ATP2B2: variants seen among roughly 807,000 people sequenced by gnomAD.
ATP2B2 encodes the protein ATPase plasma membrane Ca2+ transporting 2, also known as plasma membrane calcium-transporting ATPase 2.
ATP2B2 carries 15 observed loss-of-function variants against 120.0 expected under a neutral mutation model. The ratio of observed to expected loss-of-function variants is 0.12; its 90% CI spans 0.08 to 0.19. The LOEUF is 0.19. ATP2B2 is among the 10% of genes least tolerant of loss of function. The pLI is 1.00. For missense variants in ATP2B2, 1,045 were observed against 1,719.8 expected (o/e 0.61, Z 6.94); for synonymous variants, 694 against 700.3 (o/e 0.99, Z 0.14).
chr3:10,382,988 C>T (rs1024736117), intron 8 of ATP2B2, among the ~76,000 whole-genome samples: 4 of 151,878 alleles, frequency 2.6e-5, no homozygotes, highest in African/African-American at 9.7e-5. Context: ...GTCTGGAAAG[C>T]CTGTTAAAAT....
At chr3:10,540,187 T>C (rs532012311) in intron 2 of ATP2B2, among the ~76,000 whole-genome samples, 10 of 152,268 alleles carry the variant, frequency 6.6e-5, no homozygotes, top group African/African-American at 2.4e-4. Flanking sequence ...TCACACCAGT[T>C]AGAATGGTGA....
intron 2 of ATP2B2, among the ~76,000 whole-genome samples, chr3:10,610,789 C>T (rs1032602187): frequency 1.3e-5 from 2 of 152,180 alleles, no homozygotes; most frequent in African/African-American, 4.8e-5. Flanking sequence ...TCAACACATG[C>T]TGGAGGGAAC....
chr3:10,668,879 G>A (rs1009945503), intron 1 of ATP2B2, among the ~76,000 whole-genome samples: 13 of 152,208 alleles, frequency 8.5e-5, no homozygotes, highest in Non-Finnish European at 1.8e-4. Flanking sequence ...GCAGCACACA[G>A]TAGGCGCTCA....
intron 3 of ATP2B2, among the ~76,000 whole-genome samples, chr3:10,519,994 C>T (rs2066950833): frequency 6.6e-6 from 1 of 152,174 alleles, no homozygotes; most frequent in Non-Finnish European, 1.5e-5. Flanking sequence ...TACCCTTTAC[C>T]ATATACATTT....
At chr3:10,625,889 T>C (rs914056229) in intron 1 of ATP2B2, 2 of 152,254 alleles carry the variant, frequency 1.3e-5, no homozygotes, top group Non-Finnish European at 2.9e-5. Flanking sequence ...ACTGGTAGGA[T>C]GCAGTATCCA....
intron 1 of ATP2B2, among the ~76,000 whole-genome samples, chr3:10,696,125 C>T (rs2071738719): frequency 2.0e-5 from 3 of 152,126 alleles, no homozygotes; most frequent in South Asian, 2.1e-4. Flanking sequence ...CTATGAAACA[C>T]GGTGTTTGCA....
intron 1 of ATP2B2, among the ~76,000 whole-genome samples, chr3:10,662,149 A>C (rs2070799454): frequency 6.6e-6 from 1 of 152,192 alleles, no homozygotes; most frequent in Admixed American, 6.5e-5. Context: ...TAAAAACCCT[A>C]GAAGAAAACC....
chr3:10,607,889 A>G (rs2069128537), intron 2 of ATP2B2, among the ~76,000 whole-genome samples: 1 of 152,142 alleles, frequency 6.6e-6, no homozygotes, highest in African/African-American at 2.4e-5. Context: ...GGGTGATACT[A>G]TATCGAAGTC....
intron 4 of ATP2B2, among the ~76,000 whole-genome samples, chr3:10,401,743 A>G (rs1268501994): frequency 6.6e-6 from 1 of 152,222 alleles, no homozygotes; most frequent in Non-Finnish European, 1.5e-5. Context: ...TAATAAACCC[A>G]TTCTGAGTAT....
intron 2 of ATP2B2, among the ~76,000 whole-genome samples, chr3:10,609,016 C>T (rs1176216073): frequency 6.6e-6 from 1 of 152,234 alleles, no homozygotes; most frequent in South Asian, 2.1e-4. Flanking sequence ...CCCGGAATTC[C>T]GGGCCACCTT....
intron 1 of ATP2B2, among the ~76,000 whole-genome samples, chr3:10,673,481 A>T (rs2071165247): frequency 6.6e-6 from 1 of 151,796 alleles, no homozygotes; most frequent in Non-Finnish European, 1.5e-5. Context: ...ACAGAGAGAC[A>T]GGAAGAGAGA....
chr3:10,707,652 C>A (rs984005958), intron 1 of ATP2B2, among the ~76,000 whole-genome samples: 1 of 152,158 alleles, frequency 6.6e-6, no homozygotes, highest in Admixed American at 6.5e-5. Flanking sequence ...CCCCTTCCCT[C>A]ACCCGCAGGC....
intron 3 of ATP2B2, among the ~76,000 whole-genome samples, chr3:10,526,891 G>C (rs2067107531): frequency 6.6e-6 from 1 of 152,154 alleles, no homozygotes; most frequent in Non-Finnish European, 1.5e-5. Flanking sequence ...GGTGACACTA[G>C]CTCCCAATTT....
chr3:10,527,466 T>C (rs1424151865), intron 3 of ATP2B2, among the ~76,000 whole-genome samples: 1 of 152,218 alleles, frequency 6.6e-6, no homozygotes, highest in Admixed American at 6.5e-5. Context: ...CACCGCCCTC[T>C]GGAGGGAGCA....
At chr3:10,351,032 G>T (rs2060564662) in intron 14 of ATP2B2, among the ~76,000 whole-genome samples, 1 of 152,176 alleles carries the variant, frequency 6.6e-6, no homozygotes, top group Non-Finnish European at 1.5e-5. Context: ...TCAGTTTCTT[G>T]GGGGGACATT....
At chr3:10,389,060 C>T (rs990842634) in intron 5 of ATP2B2, among the ~76,000 whole-genome samples, 24 of 152,010 alleles carry the variant, frequency 1.6e-4, no homozygotes, top group African/African-American at 5.3e-4. Context: ...CATGATGATA[C>T]CAGACTACTC....
intron 2 of ATP2B2, among the ~76,000 whole-genome samples, chr3:10,616,155 T>C (rs1434941669): frequency 6.6e-6 from 1 of 152,238 alleles, no homozygotes; most frequent in African/African-American, 2.4e-5. Context: ...CAGCCTGAAT[T>C]GTGTCCCCCA....
At chr3:10,668,904 A>G (rs2071020232) in intron 1 of ATP2B2, among the ~76,000 whole-genome samples, 1 of 152,208 alleles carries the variant, frequency 6.6e-6, no homozygotes, top group South Asian at 2.1e-4. Context: ...ATCATGCACA[A>G]TCGTGACTGC....
rs202213516 is a variant in ATP2B2 at position 10,350,385 on chromosome 3, T to C, written c.2316+13A>G. 3,447 of 1,614,184 alleles carry C rather than the reference T, an allele frequency of 2.1e-3. 5 individuals carry two copies. The highest frequency in any genetic ancestry group is 2.7e-3 in the Non-Finnish European group (3,212 of 1,180,016). ...CGCGTTCCCCTGAGGATGCTTTACG[T>C]TGGGACACGCACCTCCCCCTTCTCG... On this transcript the variant is annotated intron_variant, in intron 15 of 22. Coordinates refer to ENST00000360273, the MANE Select transcript of ATP2B2 (RefSeq NM_001001331.4).
Sources: gnomAD v4.1 joint callset for allele counts (sites outside exome capture counted in the v4.1 genomes callset) on GRCh38, gnomAD v4.1.1 for gene constraint, MANE v1.5 for transcripts, NCBI Gene and HGNC (gene_info 2026-07-23, HGNC 2026-07-21) for gene names.